The following FER1L5 variants were observed in gnomAD, a reference collection of about 807,000 sequenced individuals.
FER1L5 encodes the protein fer-1-like protein 5.
A neutral mutation model predicts 279.9 loss-of-function variants in FER1L5; 187 were observed. The observed-to-expected ratio is 0.67, with a 90% CI of 0.59 to 0.75. The LOEUF (loss-of-function observed/expected upper bound fraction) is 0.75, where lower values mean the gene tolerates loss of function less well. FER1L5 is among the 30% of genes least tolerant of loss of function. FER1L5 has a pLI of 0.00. For missense variants in FER1L5, 2,091 were observed against 2,594.4 expected (o/e 0.81, Z 4.21); for synonymous variants, 921 against 989.7 (o/e 0.93, Z 1.30).
intron 19 of FER1L5, among the ~76,000 whole-genome samples, chr2:96,680,600 T>C (rs1020300067): frequency 2.0e-5 from 3 of 152,156 alleles, no homozygotes; most frequent in African/African-American, 7.2e-5. Flanking sequence ...CCCACTTATC[T>C]CCTTAGCATT....
At chr2:96,659,330 C>CTTTCTTTCTTTCT (rs2075755148) in intron 9 of FER1L5, among the ~76,000 whole-genome samples, 1 of 77,066 alleles carries the variant, frequency 1.3e-5, no homozygotes, top group Non-Finnish European at 2.5e-5. Flanking sequence ...TCCTTCCTTC[C>CTTTCTTTCTTTCT]TTCCTTCCTT....
chr2:96,643,835 G>C (rs1257555514), intron 1 of FER1L5, among the ~76,000 whole-genome samples: 2 of 151,144 alleles, frequency 1.3e-5, no homozygotes, highest in Non-Finnish European at 2.9e-5. Flanking sequence ...GGTATATTTA[G>C]ATATCAAAGA....
At chr2:96,688,002 G>T in intron 24 of FER1L5, 55 bp downstream of exon 24, 3 of 1,543,684 alleles carry the variant, frequency 1.9e-6, no homozygotes, top group Non-Finnish European at 2.6e-6. Context: ...GTGGGGGTAG[G>T]GTGGCCTCGT....
intron 1 of FER1L5, among the ~76,000 whole-genome samples, chr2:96,644,727 C>G (rs1452131081): frequency 6.6e-6 from 1 of 152,150 alleles, no homozygotes; most frequent in East Asian, 1.9e-4. Context: ...TTGTTGAACA[C>G]AGCAATATTC....
rs1158107024 is a variant in FER1L5, at chr2:96,694,709, T to C, written c.3741+245T>C. Reference sequence around the variant, plus strand: ...GGGCTGTAGCATGCATGATCACTTGTGGGACTCACGCTGCCCCTGCGCAGT... The same window carrying C: ...GGGCTGTAGCATGCATGATCACTTGCGGGACTCACGCTGCCCCTGCGCAGT... On this transcript the variant is annotated intron_variant, in intron 34 of 52. Coordinates refer to ENST00000624922, the MANE Select transcript of FER1L5 (RefSeq NM_001293083.2). This position sits in a 1 kb window ranked among gnomAD's most constrained non-coding sequence, Gnocchi z 4.6. The C allele has an allele frequency of 5.2e-6, 2 of 383,308 alleles. No homozygotes were observed. Among genetic ancestry groups the C allele is most frequent in the Non-Finnish European group, 9.3e-6 (2 of 216,128 alleles). 23.7% of individuals were successfully genotyped at this position (383,308 alleles called of 1,614,324 possible).
intron 19 of FER1L5, among the ~76,000 whole-genome samples, chr2:96,680,825 C>T (rs1334930626): frequency 6.6e-6 from 1 of 152,134 alleles, no homozygotes; most frequent in African/African-American, 2.4e-5. Context: ...TGTGCCCACC[C>T]CACCCCACCA....
intron 44 of FER1L5, 28 bp downstream of exon 44, chr2:96,700,108 G>GCTTC: frequency 6.2e-7 from 1 of 1,612,760 alleles, no homozygotes. Context: ...CTAGCAGAAA[G>GCTTC]CACAGACACA....
chr2:96,691,397 C>A lies in FER1L5; in HGVS notation c.2907+44C>A. The A allele has an allele frequency of 1.3e-6, 2 of 1,536,266 alleles. No individual in the cohort carries two copies. The highest frequency in any genetic ancestry group is 1.8e-6 in the Non-Finnish European group (2 of 1,137,242). On this transcript the variant is annotated intron_variant, in intron 28 of 52. Transcript: ENST00000624922. The surrounding 1 kb of genome is among the most constrained non-coding windows in gnomAD (Gnocchi z 6.0). ...CCCTGGCTGGGACTGCGGGCAGGGCCGCCTTGGCTGCTGCAGGAACACAAC... is the reference window on the plus strand; with the variant it reads ...CCCTGGCTGGGACTGCGGGCAGGGCAGCCTTGGCTGCTGCAGGAACACAAC...
At chr2:96,686,749 A>G (rs902929881) in intron 23 of FER1L5, among the ~76,000 whole-genome samples, 1 of 148,240 alleles carries the variant, frequency 6.7e-6, no homozygotes, top group Non-Finnish European at 1.5e-5. Context: ...TCCTAGCTAC[A>G]TGGGAGGCTG....
At chr2:96,681,543 AATT>A (rs1558892009) in intron 19 of FER1L5, among the ~76,000 whole-genome samples, 3 of 151,832 alleles carry the variant, frequency 2.0e-5, no homozygotes, top group African/African-American at 4.8e-5. Flanking sequence ...AAAAAATAAT[AATT>A]ATTATTTTTT....
intron 19 of FER1L5, among the ~76,000 whole-genome samples, chr2:96,683,772 G>A (rs2076820339): frequency 6.6e-6 from 1 of 152,190 alleles, no homozygotes; most frequent in Admixed American, 6.5e-5. Flanking sequence ...TTAAATGTTC[G>A]TTTTCTGTGG....
chr2:96,661,815 G>A, intron 12 of FER1L5, 24 bp downstream of exon 12: 2 of 1,550,908 alleles, frequency 1.3e-6, no homozygotes, highest in South Asian at 1.2e-5. Flanking sequence ...TGCAGGGGAG[G>A]GAGCAGCCCT....
At chr2:96,699,347 CAG>C (rs1188372365) in intron 42 of FER1L5, among the ~76,000 whole-genome samples, 1 of 152,132 alleles carries the variant, frequency 6.6e-6, no homozygotes, top group Admixed American at 6.5e-5. Context: ...GAGGGGAGCT[CAG>C]AGCCCCACAC....
intron 9 of FER1L5, among the ~76,000 whole-genome samples, chr2:96,658,142 G>A (rs1226635144): frequency 6.6e-6 from 1 of 151,306 alleles, no homozygotes; most frequent in Non-Finnish European, 1.5e-5. Context: ...TCAGACTCCC[G>A]AGTAGCTGGG....
At chr2:96,658,816 T>G (rs968538672) in intron 9 of FER1L5, among the ~76,000 whole-genome samples, 24 of 152,178 alleles carry the variant, frequency 1.6e-4, no homozygotes, top group African/African-American at 5.5e-4. Context: ...TATATCTTCT[T>G]TGGTGAAGTG....
chr2:96,661,157 A>G (rs1408730695), intron 10 of FER1L5, among the ~76,000 whole-genome samples, 168 bp from the exon 11 acceptor site: 3 of 152,152 alleles, frequency 2.0e-5, no homozygotes, highest in Non-Finnish European at 2.9e-5. Context: ...TGAGCACGCT[A>G]TCATTGCTTC....
At chr2:96,663,265 G>C (rs991917242) in intron 13 of FER1L5, among the ~76,000 whole-genome samples, 174 bp from the exon 14 acceptor site, 1 of 152,222 alleles carries the variant, frequency 6.6e-6, no homozygotes, top group Non-Finnish European at 1.5e-5. Flanking sequence ...AGTACACAAA[G>C]GACTGGCGCT....
chr2:96,693,406 C>A, intron 31 of FER1L5, 100 bp from the exon 32 acceptor site: 1 of 1,268,670 alleles, frequency 7.9e-7, no homozygotes, highest in Non-Finnish European at 1.1e-6. Flanking sequence ...CCTGCCTGAC[C>A]CTCCTGGGCC....
At position 96,695,799 on chromosome 2, in the gene FER1L5, T is replaced by G. The variant is rs772908405; in HGVS notation, c.3952T>G (p.Trp1318Gly). ...LPLVVKVVDN[W>G]AFGQQTVTGQ... Reference sequence around the variant, plus strand: ...CCTCGTGGTGAAGGTGGTAGACAACTGGGCCTTCGGCCAGCAGACCGTGAC... The same window carrying G: ...CCTCGTGGTGAAGGTGGTAGACAACGGGGCCTTCGGCCAGCAGACCGTGAC... Residue 1318 changes from tryptophan to glycine, a missense_variant, in exon 36 of 53, where the codon TGG (tryptophan) becomes GGG (glycine). By Grantham distance (184) the Trp-to-Gly change is radical. Transcript: ENST00000624922. The G allele has an allele frequency of 4.3e-6, 7 of 1,612,894 alleles. No individual in the cohort carries two copies. The African/African-American group carries it at 9.3e-5, about 22-fold the overall frequency.
Sources: allele counts gnomAD v4.1 joint callset (sites outside exome capture counted in the v4.1 genomes callset), GRCh38; gene constraint gnomAD v4.1.1; non-coding constraint Gnocchi (gnomAD v3.1); transcripts MANE v1.5; gene names NCBI Gene and HGNC (gene_info 2026-07-23, HGNC 2026-07-21).